The following ROBO2 variants were observed in gnomAD, a reference collection of about 807,000 sequenced individuals.
ROBO2 encodes the protein roundabout guidance receptor 2, also known as roundabout homolog 2.
Under a neutral mutation model 160.8 loss-of-function variants are expected in ROBO2, and 53 were observed. The observed-to-expected ratio is 0.33, with a 90% CI of 0.26 to 0.41. The LOEUF (loss-of-function observed/expected upper bound fraction) is 0.41. Ranked by LOEUF, ROBO2 falls within the 10% of genes least tolerant of loss-of-function variation. ROBO2 has a pLI of 1.00. For synonymous variants in ROBO2, 664 were observed against 611.7 expected (o/e 1.09, Z -1.26); for missense variants, 1,577 against 1,722.4 (o/e 0.92, Z 1.49).
chr3:76,931,173 C>G (rs2077314886), intron 2 of ROBO2, among the ~76,000 whole-genome samples: 1 of 151,172 alleles, frequency 6.6e-6, no homozygotes, highest in African/African-American at 2.4e-5. Context: ...GCCATCAGTA[C>G]TTGGGCCTTT....
chr3:76,807,616 C>A (rs893673543), intron 2 of ROBO2, among the ~76,000 whole-genome samples: 4 of 151,940 alleles, frequency 2.6e-5, no homozygotes, highest in African/African-American at 4.8e-5. Flanking sequence ...AAACTGAGTT[C>A]TTTGTGTGTT....
intron 2 of ROBO2, among the ~76,000 whole-genome samples, chr3:77,138,576 A>C (rs2076459218): frequency 6.6e-6 from 1 of 152,252 alleles, no homozygotes; most frequent in Non-Finnish European, 1.5e-5. Context: ...AGAGACACTA[A>C]TTGTGAATAG....
intron 2 of ROBO2, among the ~76,000 whole-genome samples, chr3:77,340,951 G>A (rs567353730): frequency 7.9e-5 from 12 of 151,926 alleles, no homozygotes; most frequent in African/African-American, 2.4e-4. Context: ...CTAGTCTATG[G>A]GCCAAATCTG....
chr3:76,864,858 T>A (rs2071194574), intron 2 of ROBO2, among the ~76,000 whole-genome samples: 1 of 152,084 alleles, frequency 6.6e-6, no homozygotes, highest in Non-Finnish European at 1.5e-5. Flanking sequence ...CTAAATAGAT[T>A]TGTACTAAAA....
intron 2 of ROBO2, among the ~76,000 whole-genome samples, chr3:76,719,621 C>T (rs531728731): frequency 3.9e-5 from 6 of 152,290 alleles, no homozygotes; most frequent in Admixed American, 2.0e-4. Context: ...TGGTGGCTCA[C>T]GCCTGTATTC....
intron 2 of ROBO2, among the ~76,000 whole-genome samples, chr3:77,193,483 T>G (rs910728304): frequency 6.6e-6 from 1 of 151,796 alleles, no homozygotes; most frequent in African/African-American, 2.4e-5. Context: ...TCTTGCTATG[T>G]TGCCTAGGCT....
At chr3:76,111,747 G>A (rs887880526) in intron 2 of ROBO2, among the ~76,000 whole-genome samples, 1 of 152,056 alleles carries the variant, frequency 6.6e-6, no homozygotes, top group Admixed American at 6.6e-5. Context: ...AAAGGGCAGG[G>A]AGATGAGCCT....
At chr3:76,431,198 T>C (rs975659937) in intron 2 of ROBO2, among the ~76,000 whole-genome samples, 35 of 152,064 alleles carry the variant, frequency 2.3e-4, no homozygotes, top group Non-Finnish European at 4.4e-4. Flanking sequence ...GCATCTTTGG[T>C]TTTATGAAAG....
At chr3:77,112,251 G>T (rs1232789893) in intron 2 of ROBO2, among the ~76,000 whole-genome samples, 3 of 150,578 alleles carry the variant, frequency 2.0e-5, no homozygotes, top group Non-Finnish European at 4.4e-5. Context: ...GGGGTGGAGG[G>T]GGGGACGCAG....
At chr3:76,749,659 C>T (rs181662472) in intron 2 of ROBO2, among the ~76,000 whole-genome samples, 4 of 152,136 alleles carry the variant, frequency 2.6e-5, no homozygotes, top group African/African-American at 7.2e-5. Context: ...AATGGGTATA[C>T]AAGTATCAAT....
At chr3:77,603,049 G>C in intron 20 of ROBO2, 2 of 456,692 alleles carry the variant, frequency 4.4e-6, no homozygotes, top group South Asian at 3.1e-5. Flanking sequence ...GAAAGGAGTG[G>C]CAGTCTCTCA....
At chr3:76,623,158 C>A (rs943293596) in intron 2 of ROBO2, among the ~76,000 whole-genome samples, 1 of 152,174 alleles carries the variant, frequency 6.6e-6, no homozygotes, top group African/African-American at 2.4e-5. Flanking sequence ...GGCTTAAATA[C>A]TTTTTCAGTA....
chr3:77,280,891 G>A (rs565510385), intron 2 of ROBO2, among the ~76,000 whole-genome samples: 5 of 152,126 alleles, frequency 3.3e-5, no homozygotes, highest in African/African-American at 9.7e-5. Context: ...CATTGGAAAA[G>A]CAAAATAATT....
At chr3:76,256,347 C>CACA (rs1484693216) in intron 2 of ROBO2, among the ~76,000 whole-genome samples, 1 of 88,642 alleles carries the variant, frequency 1.1e-5, no homozygotes, top group Non-Finnish European at 2.8e-5. Context: ...CTCTCTCTCT[C>CACA]TCTCTCACAT....
chr3:76,674,744 G>A (rs1249488857), intron 2 of ROBO2, among the ~76,000 whole-genome samples: 1 of 152,150 alleles, frequency 6.6e-6, no homozygotes, highest in African/African-American at 2.4e-5. Flanking sequence ...CTGAGATTCT[G>A]TCTGCGTTTC....
chr3:77,475,468 C>T (rs888113493), intron 2 of ROBO2, among the ~76,000 whole-genome samples: 1 of 152,022 alleles, frequency 6.6e-6, no homozygotes, highest in African/African-American at 2.4e-5. Context: ...CGTTGTATTT[C>T]TGAATGATTT....
chr3:76,335,385 T>C (rs2073814132), intron 2 of ROBO2, among the ~76,000 whole-genome samples: 1 of 151,876 alleles, frequency 6.6e-6, no homozygotes, highest in African/African-American at 2.4e-5. Flanking sequence ...TTTTACCATG[T>C]TGGCCAGGCT....
intron 2 of ROBO2, among the ~76,000 whole-genome samples, chr3:76,745,218 C>A (rs1163059798): frequency 6.6e-6 from 1 of 151,866 alleles, no homozygotes; most frequent in African/African-American, 2.4e-5. Flanking sequence ...ATTGGTGGAT[C>A]GATAGATCAA....
At chr3:75,954,001 G>A (rs1438029213) in intron 2 of ROBO2, among the ~76,000 whole-genome samples, 1 of 151,592 alleles carries the variant, frequency 6.6e-6, no homozygotes, top group African/African-American at 2.4e-5. Context: ...CTCCAGTATG[G>A]TCATTCCAAT....
Sources: gnomAD v4.1 joint callset for allele counts (sites outside exome capture counted in the v4.1 genomes callset) on GRCh38, gnomAD v4.1.1 for gene constraint, MANE v1.5 for transcripts, NCBI Gene and HGNC (gene_info 2026-07-23, HGNC 2026-07-21) for gene names.